The following RABGAP1 variants were observed in gnomAD, a reference collection of about 807,000 sequenced individuals.
The protein encoded by RABGAP1 is RAB GTPase activating protein 1.
In RABGAP1, 23 loss-of-function variants were observed where a neutral mutation model predicts 137.6. The observed-to-expected ratio is 0.17, with a 90% CI of 0.12 to 0.24. The LOEUF (loss-of-function observed/expected upper bound fraction) is 0.24, where lower values mean the gene tolerates loss of function less well. Ranked by LOEUF, RABGAP1 falls within the 10% of genes least tolerant of loss-of-function variation. RABGAP1 has a pLI of 1.00. For synonymous variants in RABGAP1, 451 were observed against 450.7 expected, an observed-to-expected ratio of 1.00 and a Z score of -0.01; for missense variants, 906 against 1,275.8, an observed-to-expected ratio of 0.71 and a Z score of 4.42.
intron 2 of RABGAP1, among the ~76,000 whole-genome samples, chr9:122,982,878 AAAAGTTTTTGAGACAGG>A (rs1208015584): frequency 6.6e-5 from 10 of 152,080 alleles, no homozygotes; most frequent in Admixed American, 5.9e-4. Context: ...ACTTTTAAAA[AAAAGTTTTTGAGACAGG>A]GTTTTGCTCT....
At chr9:123,045,983 A>G (rs1477105250) in intron 13 of RABGAP1, among the ~76,000 whole-genome samples, 2 of 152,242 alleles carry the variant, frequency 1.3e-5, no homozygotes, top group East Asian at 3.8e-4. Flanking sequence ...CAGGTCCTGC[A>G]AATTGGCACA....
chr9:122,954,802 C>G (rs1196416366), intron 1 of RABGAP1, among the ~76,000 whole-genome samples: 1 of 152,142 alleles, frequency 6.6e-6, no homozygotes, highest in Non-Finnish European at 1.5e-5. Flanking sequence ...AGAGTATAGC[C>G]TTTTGGAGTC....
At chr9:122,989,901 C>T (rs910946067) in intron 5 of RABGAP1, 155 bp from the exon 6 acceptor site, 1 of 808,170 alleles carries the variant, frequency 1.2e-6, no homozygotes, top group Non-Finnish European at 1.9e-6. Flanking sequence ...TTTAGTGTTG[C>T]TTGCTTTATA....
At chr9:122,980,405 T>C (rs1421189144) in intron 2 of RABGAP1, among the ~76,000 whole-genome samples, 1 of 152,192 alleles carries the variant, frequency 6.6e-6, no homozygotes, top group Non-Finnish European at 1.5e-5. Context: ...CCACTGTGCT[T>C]GGCTTGGCTT....
At chr9:123,040,415 G>A (rs1320898756) in intron 13 of RABGAP1, among the ~76,000 whole-genome samples, 1 of 152,144 alleles carries the variant, frequency 6.6e-6, no homozygotes, top group African/African-American at 2.4e-5. Flanking sequence ...TCAGAACATG[G>A]TTCTGTAATG....
Position 122,986,189 on chromosome 9 carries a change from ACTTCCT to A in RABGAP1, c.386-25_386-20del. 1 of 1,589,786 alleles carries A rather than the reference ACTTCCT, an allele frequency of 6.3e-7. No individual in the cohort carries two copies. The highest frequency in any genetic ancestry group is 2.2e-5 in the East Asian group (1 of 44,646). On this transcript the variant is annotated intron_variant, in intron 3 of 25. Coordinates refer to ENST00000373647, the MANE Select transcript of RABGAP1 (RefSeq NM_012197.4). The stretch of plus-strand genomic sequence containing the variant: ...ACAAAATATCAAAGTGAAAGTAATC[ACTTCCT>A]TATTCATTGTTTCTTTCAGATTCTG...
Position 122,997,282 on chromosome 9 carries a change from T to C in RABGAP1, c.1125T>C (p.Asp375=). ...LDLESMGKSS[D]GKSYVITGSW... ...AGGAATCTATGGGCAAAAGTTCAGA[T>C]GGAAAGTCGTATGTTATTACGGGGA... is the stretch of plus-strand genomic sequence containing the variant. The change falls in exon 9 of 26, where the codon GAT becomes GAC. Residue 375 remains aspartate, a synonymous_variant. Transcript: ENST00000373647. 6.2e-7 allele frequency: 1 copy of C among 1,606,176 alleles called. No individual in the cohort carries two copies. The highest frequency in any genetic ancestry group is 8.5e-7 in the Non-Finnish European group (1 of 1,177,696).
intron 2 of RABGAP1, among the ~76,000 whole-genome samples, chr9:122,960,345 T>C (rs1834784961): frequency 1.3e-5 from 2 of 152,214 alleles, no homozygotes; most frequent in African/African-American, 2.4e-5. Flanking sequence ...TAGTGTAATT[T>C]AACAAGCTAG....
intron 13 of RABGAP1, among the ~76,000 whole-genome samples, chr9:123,048,961 G>A (rs1284365404): frequency 2.0e-5 from 3 of 152,106 alleles, no homozygotes; most frequent in African/African-American, 4.8e-5. Flanking sequence ...AGCCCTAAAA[G>A]GAAATGAACA....
At chr9:122,982,892 CA>C (rs1435034949) in intron 2 of RABGAP1, among the ~76,000 whole-genome samples, 1 of 152,034 alleles carries the variant, frequency 6.6e-6, no homozygotes, top group Non-Finnish European at 1.5e-5. Flanking sequence ...GTTTTTGAGA[CA>C]GGGTTTTGCT....
In RABGAP1 at chr9:122,990,086, G is replaced by A. The variant is rs1182904160; in HGVS notation, c.796G>A (p.Ala266Thr). 6.2e-7 allele frequency: 1 copy of A among 1,610,416 alleles called. No homozygotes were observed. The highest frequency in any genetic ancestry group is 1.1e-5 in the South Asian group (1 of 90,920). Residue 266 changes from alanine to threonine, a missense_variant, in exon 6 of 26, where the codon GCC becomes ACC. Coordinates refer to ENST00000373647, the MANE Select transcript of RABGAP1 (RefSeq NM_012197.4). ...CCGGATACTTTACAGTTTTGCCACT[G>A]CCTTCCGCCGTTCTGCCAAGCAGAC... Reference protein sequence around the residue: ...VSRILYSFATAFRRSAKQTPL... With the variant: ...VSRILYSFATTFRRSAKQTPL...
intron 13 of RABGAP1, among the ~76,000 whole-genome samples, chr9:123,026,111 G>C (rs1320513233): frequency 1.3e-5 from 2 of 151,300 alleles, no homozygotes; most frequent in African/African-American, 4.9e-5. Flanking sequence ...ATTACCTGAG[G>C]TCAGGAGTTT....
intron 17 of RABGAP1, 33 bp from the exon 18 acceptor site, chr9:123,076,212 C>T (rs930423280): frequency 6.3e-7 from 1 of 1,599,292 alleles, no homozygotes. Flanking sequence ...GATATAAAAA[C>T]TGACAGTGTT....
chr9:123,090,936 C>T (rs1327105090), intron 21 of RABGAP1, among the ~76,000 whole-genome samples: 11 of 152,178 alleles, frequency 7.2e-5, no homozygotes, highest in Non-Finnish European at 1.5e-4. Context: ...ACAGACTAAC[C>T]TTAGAAGAAA....
chr9:123,021,865 T>C (rs937271501), intron 13 of RABGAP1, among the ~76,000 whole-genome samples: 2 of 152,202 alleles, frequency 1.3e-5, no homozygotes, highest in Admixed American at 6.5e-5. Flanking sequence ...TGTCTTATGA[T>C]AGAATGTGTC....
At chr9:123,058,236 TATA>T (rs1371266992) in intron 13 of RABGAP1, among the ~76,000 whole-genome samples, 2 of 152,140 alleles carry the variant, frequency 1.3e-5, no homozygotes, top group Non-Finnish European at 2.9e-5. Flanking sequence ...TAAATTATGG[TATA>T]ATAGTGTGAC....
intron 13 of RABGAP1, among the ~76,000 whole-genome samples, chr9:123,037,634 A>G (rs1484670595): frequency 6.6e-6 from 1 of 152,180 alleles, no homozygotes; most frequent in African/African-American, 2.4e-5. Context: ...CAGTTTGCTT[A>G]TGAATTTTTA....
chr9:122,946,721 G>C (rs1244054153), intron 1 of RABGAP1, among the ~76,000 whole-genome samples: 1 of 152,196 alleles, frequency 6.6e-6, no homozygotes, highest in African/African-American at 2.4e-5. Flanking sequence ...CATATGTAGA[G>C]TTCTGGAAAA....
At chr9:122,958,881 C>T (rs1050199564) in intron 2 of RABGAP1, among the ~76,000 whole-genome samples, 1 of 151,946 alleles carries the variant, frequency 6.6e-6, no homozygotes, top group South Asian at 2.1e-4. Flanking sequence ...TGGTGGCACA[C>T]ACCTTCAGTC....
Sources: gnomAD v4.1 joint callset for allele counts (sites outside exome capture counted in the v4.1 genomes callset) on GRCh38, gnomAD v4.1.1 for gene constraint, MANE v1.5 for transcripts, NCBI Gene and HGNC (gene_info 2026-07-23, HGNC 2026-07-21) for gene names.